The following LCT variants were observed in gnomAD, a reference collection of about 807,000 sequenced individuals.
The protein encoded by LCT is lactase.
A neutral mutation model predicts 173.0 loss-of-function variants in LCT; 90 were observed. The observed-to-expected ratio is 0.52, with a 90% CI of 0.44 to 0.62. The LOEUF is 0.62. LCT is among the 20% of genes least tolerant of loss of function. The pLI, the probability that LCT is intolerant of heterozygous loss-of-function variation, is 0.00. For synonymous variants in LCT, 853 were observed against 957.6 expected, an observed-to-expected ratio of 0.89 and a Z score of 2.02; for missense variants, 1,864 against 2,431.4, an observed-to-expected ratio of 0.77 and a Z score of 4.91.
intron 2 of LCT, among the ~76,000 whole-genome samples, chr2:135,831,791 T>C (rs1372708025): frequency 4.6e-5 from 7 of 152,098 alleles, no homozygotes; most frequent in East Asian, 1.9e-4. Context: ...CAGCACAACA[T>C]CTCTACAGCA....
intron 6 of LCT, among the ~76,000 whole-genome samples, chr2:135,815,992 T>C (rs896243915): frequency 1.1e-4 from 16 of 152,102 alleles, no homozygotes; most frequent in East Asian, 3.9e-4. Flanking sequence ...TGAGCCACCA[T>C]GCCCGGCCGG....
intron 13 of LCT, among the ~76,000 whole-genome samples, chr2:135,796,968 CAA>C (rs1432173577): frequency 8.3e-6 from 1 of 120,694 alleles, no homozygotes; most frequent in Non-Finnish European, 1.6e-5. Flanking sequence ...TTTTTTGAGA[CAA>C]AGAGTCTTGC....
Position 135,806,039 on chromosome 2 carries a change from T to C in LCT, c.4174-982A>G, listed in dbSNP as rs1366964481. Reference sequence around the variant, plus strand: ...AAAAAAATTAAAAATAAAAAATTCATTGGGTGTGGTGGCATATGCATGTAA... The same window carrying C: ...AAAAAAATTAAAAATAAAAAATTCACTGGGTGTGGTGGCATATGCATGTAA... On this transcript the variant is annotated intron_variant, in intron 9 of 16. Coordinates refer to ENST00000264162, the MANE Select transcript of LCT (RefSeq NM_002299.4). Among the ~76,000 whole-genome samples the C allele has an allele frequency of 3.3e-5, 5 of 152,090 alleles. 1 individual carries two copies. The highest frequency in any genetic ancestry group is 6.3e-3 in the Middle Eastern group (2 of 316).
Position 135,817,709 on chromosome 2 carries a change from G to A in LCT, c.1339C>T (p.Arg447Trp), listed in dbSNP as rs1027260098. 8 of 1,613,996 alleles carry A rather than the reference G, an allele frequency of 5.0e-6. No individual in the cohort carries two copies. The highest frequency in any genetic ancestry group is 6.8e-6 in the Non-Finnish European group (8 of 1,180,040). ...ASDVALLCGL[R>W]AQVYKFSISW... ...ATGGAGAACTTGTACACCTGAGCCC[G>A]GAGGCCGCAAAGCAGGGCGACGTCA... Residue 447 changes from arginine to tryptophan, a missense_variant, in exon 6 of 17, where the codon CGG becomes TGG. By Grantham distance (101) the Arg-to-Trp change is moderately radical. Coordinates refer to ENST00000264162, the MANE Select transcript of LCT (RefSeq NM_002299.4).
chr2:135,828,543 C>T (rs1013558543), intron 3 of LCT, among the ~76,000 whole-genome samples: 2 of 152,108 alleles, frequency 1.3e-5, no homozygotes, highest in African/African-American at 4.8e-5. Flanking sequence ...GAAAGGCCCA[C>T]AGGAAGGCAG....
At chr2:135,788,597 C>G in intron 16 of LCT, 53 bp from the exon 17 acceptor site, 1 of 1,168,364 alleles carries the variant, frequency 8.6e-7, no homozygotes, top group Admixed American at 1.7e-5. Context: ...TTTGAGTTCT[C>G]AGATCTCTGA....
At chr2:135,794,279 G>A (rs982829916) in intron 14 of LCT, 19 of 202,078 alleles carry the variant, frequency 9.4e-5, no homozygotes, top group Middle Eastern at 2.3e-3. Context: ...ATATTAAAGC[G>A]AATTTTGATA....
chr2:135,812,874 A>G lies in LCT; in HGVS notation c.1790T>C (p.Val597Ala). ...SHHRPQQQGH[V>A]GIVLNSDWAE... Reference sequence around the variant, plus strand: ...CCAGTCTGAGTTCAGCACAATGCCCACGTGCCCCTGCTGCTGTGGGCGATG... The same window carrying G: ...CCAGTCTGAGTTCAGCACAATGCCCGCGTGCCCCTGCTGCTGTGGGCGATG... Residue 597 changes from valine to alanine, a missense_variant, in exon 7 of 17, where the codon GTG becomes GCG. Transcript: ENST00000264162. The G allele has an allele frequency of 6.2e-7, 1 of 1,614,210 alleles. No individual in the cohort carries two copies. The highest frequency in any genetic ancestry group is 8.5e-7 in the Non-Finnish European group (1 of 1,180,036).
intron 7 of LCT, 128 bp from the exon 8 acceptor site, chr2:135,810,121 T>A: frequency 1.4e-6 from 1 of 699,278 alleles, no homozygotes; most frequent in Non-Finnish European, 2.6e-6. Context: ...TAGCTGGGAC[T>A]GACTACAGGA....
intron 13 of LCT, among the ~76,000 whole-genome samples, chr2:135,795,341 G>T (rs2077573670): frequency 6.6e-6 from 1 of 151,888 alleles, no homozygotes; most frequent in South Asian, 2.1e-4. Flanking sequence ...CCAAGTAGCT[G>T]GGACTACAAG....
intron 6 of LCT, among the ~76,000 whole-genome samples, chr2:135,814,762 G>A (rs980690467): frequency 1.2e-4 from 18 of 152,128 alleles, no homozygotes; most frequent in South Asian, 1.0e-3. Context: ...TGATCCGCCC[G>A]CCTCGGCCTC....
chr2:135,807,518 A>T (rs2077687217), intron 8 of LCT, 122 bp from the exon 9 acceptor site: 1 of 852,326 alleles, frequency 1.2e-6, no homozygotes, highest in East Asian at 2.5e-5. Context: ...ATACACCCTG[A>T]GAGACCAACA....
chr2:135,822,515 G>C, intron 4 of LCT: 1 of 206,620 alleles, frequency 4.8e-6, no homozygotes, highest in Non-Finnish European at 9.9e-6. Context: ...GAAAGGGGTG[G>C]AATATTTTTA....
Position 135,809,581 on chromosome 2 carries a change from C to T in LCT, c.2766G>A (p.Trp922Ter). ...SSSAYQIEGA[W>*]DADGKGPSIW... is the part of the protein sequence containing the mutation. ...TGCTGGGGCCTTTGCCATCGGCATC[C>T]CACGCGCCTTCAATCTGATAAGCGG... The change falls in exon 8 of 17, where the codon TGG (tryptophan) becomes TGA (stop). Residue 922 changes from tryptophan to a stop codon, truncating the protein, a stop_gained. Transcript: ENST00000264162. LOFTEE classifies it high-confidence loss of function. This position sits in a 1 kb window ranked among gnomAD's most constrained non-coding sequence, Gnocchi z 5.5. The T allele has an allele frequency of 3.1e-6, 5 of 1,614,228 alleles. No individual in the cohort carries two copies. Among genetic ancestry groups the T allele is most frequent in the Non-Finnish European group, 4.2e-6 (5 of 1,180,048 alleles).
Position 135,805,076 on chromosome 2 carries a change from G to C in LCT, c.4174-19C>G, listed in dbSNP as rs754487360. 6.2e-7 allele frequency: 1 copy of C among 1,612,740 alleles called. No individual in the cohort carries two copies. Among genetic ancestry groups the C allele is most frequent in the East Asian group, 2.2e-5 (1 of 44,888 alleles). On this transcript the variant is annotated intron_variant, in intron 9 of 16. Transcript: ENST00000264162. ...CTTCAATCTCAAGATGACAAGACAT[G>C]GTCTTATTAAGTCATTCAGTCAAGC...
Position 135,788,544 on chromosome 2 carries a change from T to C in LCT, c.5564A>G (p.Asp1855Gly). The C allele has an allele frequency of 6.3e-7, 1 of 1,589,920 alleles. No individual in the cohort carries two copies. The highest frequency in any genetic ancestry group is 1.1e-5 in the South Asian group (1 of 90,710). ...CACGGGGCTGATGGTGGGTCCAGCA[T>C]CTAGGAGAGTGTGACACAGGGTGGT... ...TGPHACLHQP[D>G]AGPTISPVRQ... The change falls in exon 17 of 17, where the codon GAT becomes GGT. Residue 1855 changes from aspartate to glycine, a missense_variant and splice_region_variant. Physicochemically the swap from Asp to Gly is moderately conservative, Grantham distance 94 (BLOSUM62 -1). Coordinates refer to ENST00000264162, the MANE Select transcript of LCT (RefSeq NM_002299.4).
At chr2:135,832,986 T>C in intron 2 of LCT, 125 bp downstream of exon 2, 3 of 798,164 alleles carry the variant, frequency 3.8e-6, no homozygotes, top group Middle Eastern at 2.9e-4. Context: ...CTGGAGAACA[T>C]ACACCACTCA....
intron 14 of LCT, among the ~76,000 whole-genome samples, chr2:135,791,227 A>G (rs1195367661): frequency 6.6e-6 from 1 of 152,240 alleles, no homozygotes; most frequent in Non-Finnish European, 1.5e-5. Flanking sequence ...CCCCAGCTCC[A>G]GGCTTCCAAT....
chr2:135,796,922 A>G (rs2105522468), intron 13 of LCT, among the ~76,000 whole-genome samples: 1 of 148,890 alleles, frequency 6.7e-6, no homozygotes, highest in African/African-American at 2.5e-5. Context: ...CAGGGTGTGC[A>G]TTGTGAGGTG....
Sources: allele counts gnomAD v4.1 joint callset (sites outside exome capture counted in the v4.1 genomes callset), GRCh38; gene constraint gnomAD v4.1.1; non-coding constraint Gnocchi (gnomAD v3.1); transcripts MANE v1.5; gene names NCBI Gene and HGNC (gene_info 2026-07-23, HGNC 2026-07-21).